Variants in DCDC1 observed in about 807,000 individuals in gnomAD.
The protein encoded by DCDC1 is doublecortin domain-containing protein 1.
Under a neutral mutation model 178.3 loss-of-function variants are expected in DCDC1, and 200 were observed. The ratio of observed to expected loss-of-function variants is 1.12; its 90% confidence interval spans 1.00 to 1.26. The LOEUF is 1.26. DCDC1 is among the 50% of genes most tolerant of loss of function. The probability of loss-of-function intolerance (pLI) is 0.00; values close to 1 mark genes in which losing one functional copy is unlikely to be tolerated. For synonymous variants in DCDC1, 690 were observed against 604.8 expected (o/e 1.14, Z -2.07); for missense variants, 1,983 against 1,749.2 (o/e 1.13, Z -2.38).
At chr11:31,073,233 T>C (rs1235036750) in intron 18 of DCDC1, among the ~76,000 whole-genome samples, 1 of 152,180 alleles carries the variant, frequency 6.6e-6, no homozygotes, top group African/African-American at 2.4e-5. Flanking sequence ...AACAAAACCT[T>C]GAAAATAATT....
In DCDC1 at chr11:30,922,717, TA is replaced by T. The variant is rs1336012053; in HGVS notation, c.2998-80del. On this transcript the variant is annotated intron_variant, in intron 23 of 38. Coordinates refer to ENST00000684477, the MANE Select transcript of DCDC1 (RefSeq NM_001387274.1). ...TGTAATAATCTAAACTGGAAACAAT[TA>T]AAAAAATCAAAATGTCCTATTAATA... The T allele has an allele frequency of 6.7e-6, 9 of 1,343,148 alleles. No individual in the cohort carries two copies. In the East Asian group the frequency reaches 9.2e-5, roughly 14 times the overall value. The allele number at this position is 1,343,148 out of a possible 1,614,324, so 83.2% of individuals were successfully genotyped here.
intron 12 of DCDC1, 82 bp from the exon 13 acceptor site, chr11:31,107,042 C>T (rs1360628349): frequency 4.7e-6 from 3 of 639,084 alleles, no homozygotes; most frequent in Admixed American, 2.8e-5. Context: ...ACTGTCTCTA[C>T]TCTGTAACAA....
rs183330753 is a variant in DCDC1, at chr11:30,953,483, C to T, written c.2592-915G>A. 4.7e-3 allele frequency among the ~76,000 whole-genome samples: 712 copies of T among 151,708 alleles called. 5 individuals are homozygous for T. The highest frequency in any genetic ancestry group is 5.6e-3 in the Non-Finnish European group (382 of 67,910). ...AAAGATAAATTTATAATATTAAGTG[C>T]TAATTTATTAAAAGCTAAGTAGAGA... is the stretch of plus-strand genomic sequence containing the variant. On this transcript the variant is annotated intron_variant, in intron 20 of 38. Transcript: ENST00000684477.
chr11:31,027,294 GCCTAAATT>G (rs1296295997), intron 20 of DCDC1, among the ~76,000 whole-genome samples: 1 of 151,612 alleles, frequency 6.6e-6, no homozygotes, highest in African/African-American at 2.4e-5. Flanking sequence ...TATTCATGTT[GCCTAAATT>G]CTCTGCCTCC....
chr11:31,041,057 G>A (rs1051436327), intron 20 of DCDC1, among the ~76,000 whole-genome samples: 1 of 152,208 alleles, frequency 6.6e-6, no homozygotes, highest in African/African-American at 2.4e-5. Context: ...GGGTATTTAT[G>A]CTTATAATGT....
At chr11:31,161,435 G>C (rs1966305803) in intron 9 of DCDC1, among the ~76,000 whole-genome samples, 1 of 152,146 alleles carries the variant, frequency 6.6e-6, no homozygotes, top group East Asian at 1.9e-4. Flanking sequence ...GTTGGCTGCT[G>C]ATTCTGTGTG....
At position 30,982,124 on chromosome 11, in the gene DCDC1, G is replaced by A. The variant is rs563170899; in HGVS notation, c.2592-29556C>T. Among the ~76,000 whole-genome samples the A allele has an allele frequency of 3.0e-3, 463 of 152,222 alleles. 5 individuals are homozygous for A. Among genetic ancestry groups the A allele is most frequent in the Non-Finnish European group, 4.8e-3 (324 of 68,010 alleles). On this transcript the variant is annotated intron_variant, in intron 20 of 38. Transcript: ENST00000684477. Reference sequence around the variant, plus strand: ...ATGTTAAAGGTACACTAGAGGCAGCGCAAAGAATTTTTATGTTTCAGGTCT... The same window carrying A: ...ATGTTAAAGGTACACTAGAGGCAGCACAAAGAATTTTTATGTTTCAGGTCT...
rs1207338938 is a variant in DCDC1 at position 30,888,108 on chromosome 11, AAG to A, written c.5082+4708_5082+4709del. Among the ~76,000 whole-genome samples, 853 of 113,956 alleles carry A rather than the reference AAG, an allele frequency of 7.5e-3. 9 individuals carry two copies. Among genetic ancestry groups the A allele is most frequent in the Non-Finnish European group, 0.011 (610 of 54,226 alleles). 74.8% of individuals were successfully genotyped at this position (113,956 alleles called of 152,430 possible). A position where few individuals can be genotyped will look rare whatever the true frequency, so the allele number is the denominator to read the frequency against. On this transcript the variant is annotated intron_variant, in intron 36 of 38. Transcript: ENST00000684477. ...AGAAAGAAAGAAAGAAAAAGAAAGA[AAG>A]AAAGAAAGAAAGAAAGAAAGAAAGA... is the stretch of plus-strand genomic sequence containing the variant.
At chr11:31,048,246 T>C (rs34136780) in intron 20 of DCDC1, among the ~76,000 whole-genome samples, 42,955 of 152,094 alleles carry the variant, frequency 0.28, 7,282 homozygotes, top group Non-Finnish European at 0.37. Flanking sequence ...AATGGATGAA[T>C]ACAAAAATGA....
intron 9 of DCDC1, among the ~76,000 whole-genome samples, chr11:31,185,349 G>A (rs1183220292): frequency 6.6e-6 from 1 of 151,948 alleles, no homozygotes; most frequent in Admixed American, 6.6e-5. Context: ...GATGGCACGT[G>A]TATAGCTATG....
At chr11:31,021,684 G>T (rs1398221890) in intron 20 of DCDC1, among the ~76,000 whole-genome samples, 2 of 152,088 alleles carry the variant, frequency 1.3e-5, no homozygotes, top group African/African-American at 4.8e-5. Flanking sequence ...TTGAAACTCT[G>T]ATTTTTGAAC....
chr11:31,309,725 A>T (rs1948659799), intron 3 of DCDC1, among the ~76,000 whole-genome samples: 1 of 152,184 alleles, frequency 6.6e-6, no homozygotes, highest in Non-Finnish European at 1.5e-5. Context: ...TATTCTTATA[A>T]ATATACTAAT....
intron 20 of DCDC1, among the ~76,000 whole-genome samples, chr11:31,010,729 T>C (rs1206582154): frequency 6.6e-6 from 1 of 152,170 alleles, no homozygotes; most frequent in Non-Finnish European, 1.5e-5. Flanking sequence ...AAAATGTTTT[T>C]AATGAGAAAT....
intron 9 of DCDC1, among the ~76,000 whole-genome samples, chr11:31,206,483 C>T (rs886206134): frequency 1.2e-4 from 19 of 152,196 alleles, no homozygotes; most frequent in Middle Eastern, 3.4e-3. Flanking sequence ...GAGTGAACTC[C>T]GCTCACTGCA....
At chr11:31,144,822 A>T (rs1964261728) in intron 9 of DCDC1, among the ~76,000 whole-genome samples, 1 of 152,054 alleles carries the variant, frequency 6.6e-6, no homozygotes, top group African/African-American at 2.4e-5. Context: ...ATATTAACTT[A>T]TTGTCACATT....
intron 17 of DCDC1, among the ~76,000 whole-genome samples, chr11:31,084,291 T>C (rs1957353130): frequency 6.6e-6 from 1 of 152,140 alleles, no homozygotes; most frequent in Non-Finnish European, 1.5e-5. Context: ...GTTAAAATTA[T>C]ATACTACTTA....
intron 20 of DCDC1, among the ~76,000 whole-genome samples, chr11:30,970,905 G>A (rs1264439802): frequency 6.6e-6 from 1 of 152,154 alleles, no homozygotes; most frequent in Non-Finnish European, 1.5e-5. Flanking sequence ...CATGCCATCT[G>A]GGGGCCTGGA....
chr11:31,267,013 T>TATAC (rs1945208069), intron 7 of DCDC1, among the ~76,000 whole-genome samples: 1 of 152,178 alleles, frequency 6.6e-6, no homozygotes, highest in Non-Finnish European at 1.5e-5. Flanking sequence ...ACTCTACTCC[T>TATAC]ATACATAACT....
chr11:31,130,732 G>A (rs933299172), intron 10 of DCDC1, among the ~76,000 whole-genome samples: 3 of 152,070 alleles, frequency 2.0e-5, no homozygotes, highest in Non-Finnish European at 4.4e-5. Flanking sequence ...AAATTCAAAT[G>A]AGAGTCTAGA....
Sources: gnomAD v4.1 joint callset for allele counts (sites outside exome capture counted in the v4.1 genomes callset) on GRCh38, gnomAD v4.1.1 for gene constraint, MANE v1.5 for transcripts, NCBI Gene and HGNC (gene_info 2026-07-23, HGNC 2026-07-21) for gene names.